The following ABTB2 variants were observed in gnomAD, a reference collection of about 807,000 sequenced individuals.
The protein encoded by ABTB2 is ankyrin repeat and BTB domain containing 2.
ABTB2 carries 56 observed loss-of-function variants against 104.1 expected under a neutral mutation model. The ratio of observed to expected loss-of-function variants is 0.54; its 90% confidence interval spans 0.43 to 0.67. The LOEUF is 0.67. Ranked by LOEUF, ABTB2 falls within the 30% of genes least tolerant of loss-of-function variation. The pLI, the probability that ABTB2 is intolerant of heterozygous loss-of-function variation, is 0.00. For synonymous variants in ABTB2, 606 were observed against 608.2 expected, an observed-to-expected ratio of 1.00 and a Z score of 0.05; for missense variants, 1,279 against 1,407.7, an observed-to-expected ratio of 0.91 and a Z score of 1.46.
At chr11:34,161,122 C>T (rs1852715438) in intron 10 of ABTB2, 41 bp from the exon 11 acceptor site, 2 of 1,551,160 alleles carry the variant, frequency 1.3e-6, no homozygotes, top group African/African-American at 1.4e-5. Context: ...CGCACCACAG[C>T]TGAGCGCTCC....
At chr11:34,261,767 C>T (rs571391239) in intron 1 of ABTB2, among the ~76,000 whole-genome samples, 10 of 152,188 alleles carry the variant, frequency 6.6e-5, no homozygotes, top group Non-Finnish European at 1.5e-4. Flanking sequence ...CACACATTTT[C>T]CTCTGGCTTC....
chr11:34,160,924 G>A lies in ABTB2; in HGVS notation c.2376C>T (p.Phe792=), dbSNP rs1045810405. 22 of 1,610,324 alleles carry A rather than the reference G, an allele frequency of 1.4e-5. No homozygotes were observed. Among genetic ancestry groups the A allele is most frequent in the Admixed American group, 1.7e-5 (1 of 59,478 alleles). The change falls in exon 11 of 17, where the codon TTC becomes TTT. Residue 792 remains phenylalanine (F), a synonymous_variant. Transcript: ENST00000435224. ...TTACTTTGCTGGTCTTGAGGATGTC[G>A]AACATGAGCTGCAAGCCCTCGGTCA... ...ELVTEGLQLM[F]DILKTSKNDS...
chr11:34,248,852 C>T (rs754218345), intron 1 of ABTB2, among the ~76,000 whole-genome samples: 10 of 152,232 alleles, frequency 6.6e-5, no homozygotes, highest in Non-Finnish European at 4.4e-5. Context: ...ATACCACAGC[C>T]GGGCGCGGTG....
At chr11:34,352,919 G>A (rs987939030) in intron 1 of ABTB2, among the ~76,000 whole-genome samples, 1 of 152,156 alleles carries the variant, frequency 6.6e-6, no homozygotes, top group Admixed American at 6.5e-5. Context: ...AAATTAGCTG[G>A]GTGTGGTGGC....
chr11:34,242,190 G>A (rs1276022293), intron 1 of ABTB2, among the ~76,000 whole-genome samples: 1 of 152,190 alleles, frequency 6.6e-6, no homozygotes, highest in African/African-American at 2.4e-5. Flanking sequence ...TTGTGATGAG[G>A]CCTTCTGCCG....
Position 34,154,441 on chromosome 11 carries a change from G to T in ABTB2, c.2767-63C>A, listed in dbSNP as rs564794706. 4 of 1,241,422 alleles carry T rather than the reference G, an allele frequency of 3.2e-6. No individual in the cohort carries two copies. Among genetic ancestry groups the T allele is most frequent in the East Asian group, 2.5e-5 (1 of 40,328 alleles). The allele number at this position is 1,241,422 out of a possible 1,614,324, so 76.9% of individuals were successfully genotyped here. The stretch of plus-strand genomic sequence containing the variant: ...CCAGACCAGTGGCCCAGACAGCACC[G>T]AACAGAAAGCTCCCGAGTGCCGTGT... On this transcript the variant is annotated intron_variant, in intron 15 of 16. Transcript: ENST00000435224. This position sits in a 1 kb window ranked among gnomAD's most constrained non-coding sequence, Gnocchi z 4.9.
chr11:34,167,231 G>A, intron 7 of ABTB2, 28 bp downstream of exon 7: 6 of 1,574,920 alleles, frequency 3.8e-6, no homozygotes, highest in South Asian at 1.1e-5. Context: ...AAGCTGGGGG[G>A]CATGGTGTTC....
At position 34,356,089 on chromosome 11, in the gene ABTB2, T is replaced by C. The variant is rs1314340538; in HGVS notation, c.883+612A>G. The stretch of plus-strand genomic sequence containing the variant: ...GGGGAGTCGGGGTCCCCAGGTTTCA[T>C]CATTCCTGGGCACATATAGGTAAGA... On this transcript the variant is annotated intron_variant, in intron 1 of 16. Transcript: ENST00000435224. This position sits in a 1 kb window ranked among gnomAD's most constrained non-coding sequence, Gnocchi z 4.6. 6.6e-6 allele frequency among the ~76,000 whole-genome samples: 1 copy of C among 152,144 alleles called. No individual in the cohort carries two copies. The highest frequency in any genetic ancestry group is 1.5e-5 in the Non-Finnish European group (1 of 68,008).
chr11:34,282,356 T>G (rs773139651), intron 1 of ABTB2, among the ~76,000 whole-genome samples: 25 of 152,162 alleles, frequency 1.6e-4, no homozygotes, highest in Non-Finnish European at 3.5e-4. Flanking sequence ...AAGAGCTGTA[T>G]TTATTGATTT....
chr11:34,282,173 C>T (rs1854455356), intron 1 of ABTB2, among the ~76,000 whole-genome samples: 1 of 152,180 alleles, frequency 6.6e-6, no homozygotes, highest in South Asian at 2.1e-4. Context: ...AGAGCCGAAG[C>T]AGCTCTCTGG....
intron 1 of ABTB2, among the ~76,000 whole-genome samples, chr11:34,290,622 G>A (rs1277636059): frequency 6.6e-6 from 1 of 152,170 alleles, no homozygotes; most frequent in Admixed American, 6.5e-5. Context: ...TGGGAGGATT[G>A]CCTGAGGCCA....
intron 1 of ABTB2, among the ~76,000 whole-genome samples, chr11:34,209,691 G>A (rs1390979692): frequency 1.0e-4 from 1 of 9,672 alleles, no homozygotes. Flanking sequence ...GGTAGGGGTG[G>A]GGGTGAGGGG....
At chr11:34,225,697 G>A (rs1853676943) in intron 1 of ABTB2, among the ~76,000 whole-genome samples, 1 of 152,198 alleles carries the variant, frequency 6.6e-6, no homozygotes, top group Non-Finnish European at 1.5e-5. Flanking sequence ...AGAGGTTGCG[G>A]TGAACCGAGA....
intron 1 of ABTB2, among the ~76,000 whole-genome samples, chr11:34,306,325 C>A (rs534221153): frequency 2.9e-5 from 4 of 138,800 alleles, no homozygotes; most frequent in Non-Finnish European, 6.0e-5. Flanking sequence ...CGGCTCACTG[C>A]AACCTCTGCT....
At position 34,152,253 on chromosome 11, in the gene ABTB2, CAG is replaced by C. The variant is rs761095380; in HGVS notation, c.*132_*133del. 3.6e-4 allele frequency: 353 copies of C among 983,242 alleles called. No homozygotes were observed. Among genetic ancestry groups the C allele is most frequent in the Non-Finnish European group, 4.9e-4 (331 of 676,892 alleles). 60.9% of individuals were successfully genotyped at this position (983,242 alleles called of 1,614,324 possible). A position where few individuals can be genotyped will look rare whatever the true frequency, so the allele number is the denominator to read the frequency against. On this transcript the variant is annotated 3_prime_UTR_variant, in exon 17 of 17. Coordinates refer to ENST00000435224, the MANE Select transcript of ABTB2 (RefSeq NM_145804.3). Reference sequence around the variant, plus strand: ...GAGATGAGGGTGAGCTGCCCGGTGACAGGGGGGACATCTGGGGGAGGAGGAGG... The same window carrying C: ...GAGATGAGGGTGAGCTGCCCGGTGACGGGGGACATCTGGGGGAGGAGGAGG...
Position 34,356,853 on chromosome 11 carries a change from G to A in ABTB2, c.731C>T (p.Ala244Val). The A allele has an allele frequency of 6.2e-7, 1 of 1,605,256 alleles. No homozygotes were observed. Among genetic ancestry groups the A allele is most frequent in the Non-Finnish European group, 8.5e-7 (1 of 1,176,114 alleles). The change falls in exon 1 of 17, where the codon GCC (alanine) becomes GTC (valine). Residue 244 changes from alanine (A) to valine (V), a missense_variant. Transcript: ENST00000435224. The surrounding 1 kb of genome is among the most constrained non-coding windows in gnomAD (Gnocchi z 4.6). ...CMENLVEEIR[A>V]RVMASHSPDG... Reference sequence around the variant, plus strand: ...AGGGCTGTGGCTGGCCATCACCCTGGCCCGGATCTCCTCCACCAGGTTCTC... The same window carrying A: ...AGGGCTGTGGCTGGCCATCACCCTGACCCGGATCTCCTCCACCAGGTTCTC...
intron 3 of ABTB2, among the ~76,000 whole-genome samples, chr11:34,174,347 A>AAG (rs1852934042): frequency 6.6e-6 from 1 of 151,132 alleles, no homozygotes; most frequent in Non-Finnish European, 1.5e-5. Context: ...AAAAAAAAAA[A>AAG]AAAGAAAGAA....
chr11:34,327,902 T>C (rs574891867), intron 1 of ABTB2, among the ~76,000 whole-genome samples: 24 of 152,326 alleles, frequency 1.6e-4, no homozygotes, highest in Admixed American at 1.3e-3. Flanking sequence ...GAATGCACTT[T>C]GTCTGCTGTC....
chr11:34,288,161 T>A (rs1854527365), intron 1 of ABTB2, among the ~76,000 whole-genome samples: 1 of 152,234 alleles, frequency 6.6e-6, no homozygotes, highest in African/African-American at 2.4e-5. Context: ...ATAGGAAAGT[T>A]GAAAGCATTT....
Sources: allele counts gnomAD v4.1 joint callset (sites outside exome capture counted in the v4.1 genomes callset), GRCh38; gene constraint gnomAD v4.1.1; non-coding constraint Gnocchi (gnomAD v3.1); transcripts MANE v1.5; gene names NCBI Gene and HGNC (gene_info 2026-07-23, HGNC 2026-07-21).